The following RREB1 variants were observed in gnomAD, a reference collection of about 807,000 sequenced individuals.
RREB1 encodes ras responsive element binding protein 1.
Under a neutral mutation model 117.8 loss-of-function variants are expected in RREB1, and 27 were observed. The observed-to-expected ratio is 0.23, with a 90% CI of 0.17 to 0.32. The LOEUF (loss-of-function observed/expected upper bound fraction) is 0.32, where lower values mean the gene tolerates loss of function less well. Ranked by LOEUF, RREB1 falls within the 10% of genes least tolerant of loss-of-function variation. The pLI, the probability that RREB1 is intolerant of heterozygous loss-of-function variation, is 1.00. For synonymous variants in RREB1, 1,298 were observed against 1,026.7 expected (o/e 1.26, Z -5.05); for missense variants, 2,577 against 2,378.2 (o/e 1.08, Z -1.74).
rs527437596 is a variant in RREB1 at position 7,212,154 on chromosome 6, G to A, written c.707+445G>A. 14 of 167,502 alleles carry A rather than the reference G, an allele frequency of 8.4e-5. No homozygotes were observed. The Middle Eastern group carries it at 0.015, about 180-fold the overall frequency. 10.4% of individuals were successfully genotyped at this position (167,502 alleles called of 1,614,324 possible). A position where few individuals can be genotyped will look rare whatever the true frequency, so the allele number is the denominator to read the frequency against. On this transcript the variant is annotated intron_variant, in intron 8 of 12. Transcript: ENST00000379938. ...CCATCATAGGCACTCCGAAGTGTTT[G>A]AACTGAGCTGGACCTGATAGCACAG...
intron 1 of RREB1, among the ~76,000 whole-genome samples, chr6:7,166,766 G>A (rs577298265): frequency 1.3e-5 from 2 of 152,304 alleles, no homozygotes; most frequent in Non-Finnish European, 2.9e-5. Flanking sequence ...CCAGATTTAA[G>A]GTAAATCACC....
intron 6 of RREB1, among the ~76,000 whole-genome samples, chr6:7,199,613 C>T (rs1765838481): frequency 6.6e-6 from 1 of 151,914 alleles, no homozygotes; most frequent in East Asian, 1.9e-4. Context: ...ATGATGTTTA[C>T]ATATATATGT....
chr6:7,236,035 CT>C (rs972415983), intron 10 of RREB1, among the ~76,000 whole-genome samples: 1 of 152,198 alleles, frequency 6.6e-6, no homozygotes, highest in African/African-American at 2.4e-5. Flanking sequence ...CCAGACCATA[CT>C]TTCCTGCTGA....
At chr6:7,210,997 A>G (rs1766554539) in intron 7 of RREB1, 49 bp downstream of exon 7, 1 of 1,561,828 alleles carries the variant, frequency 6.4e-7, no homozygotes, top group African/African-American at 1.4e-5. Flanking sequence ...GACTTCTGTC[A>G]GAAATACCAC....
intron 6 of RREB1, among the ~76,000 whole-genome samples, chr6:7,205,038 A>G (rs75356183): frequency 0.014 from 2,100 of 152,292 alleles, 64 homozygotes; most frequent in African/African-American, 0.047. Flanking sequence ...TTGGAAGATG[A>G]GTCTGGGAGA....
At chr6:7,192,181 T>C (rs911807373) in intron 6 of RREB1, among the ~76,000 whole-genome samples, 1 of 149,892 alleles carries the variant, frequency 6.7e-6, no homozygotes, top group African/African-American at 2.5e-5. Flanking sequence ...TTTATTCTTT[T>C]GTTGTTGTTG....
chr6:7,214,451 C>T (rs1176255381), intron 8 of RREB1: 1 of 152,296 alleles, frequency 6.6e-6, no homozygotes, highest in African/African-American at 2.4e-5. Context: ...CACCCCTGCC[C>T]TGTGCCTCTA....
intron 1 of RREB1, among the ~76,000 whole-genome samples, chr6:7,159,887 A>G (rs991101566): frequency 2.0e-5 from 3 of 152,176 alleles, no homozygotes; most frequent in Non-Finnish European, 4.4e-5. Context: ...TGCATTTTAC[A>G]TGTGGTTTCA....
Position 7,246,691 on chromosome 6 carries a change from A to G in RREB1, c.4241A>G (p.Gln1414Arg), listed in dbSNP as rs760412402. ...DGAEEDASSN[Q>R]SLDLDFATKL... ...GCGGAAGAGGACGCGTCGAGCAACCAGAGCCTGGACCTGGACTTCGCCACC... is the reference window on the plus strand; with the variant it reads ...GCGGAAGAGGACGCGTCGAGCAACCGGAGCCTGGACCTGGACTTCGCCACC... The change falls in exon 12 of 13, where the codon CAG becomes CGG. Residue 1414 changes from glutamine (Q) to arginine (R), a missense_variant. Transcript: ENST00000379938. The G allele has an allele frequency of 1.9e-5, 30 of 1,584,434 alleles. No individual in the cohort carries two copies. In the South Asian group the frequency reaches 2.8e-4, roughly 15 times the overall value.
intron 8 of RREB1, among the ~76,000 whole-genome samples, chr6:7,222,409 C>T (rs575341556): frequency 3.9e-5 from 6 of 152,252 alleles, no homozygotes; most frequent in Admixed American, 6.5e-5. Context: ...TCCAAGGTCA[C>T]GCAATCTGAA....
intron 1 of RREB1, among the ~76,000 whole-genome samples, chr6:7,153,413 TACACACAC>T (rs57110705): frequency 6.9e-5 from 10 of 145,724 alleles, no homozygotes; most frequent in Non-Finnish European, 1.1e-4. Flanking sequence ...AGTAGTGGTA[TACACACAC>T]ACACACACAC....
rs1019477618 is a variant in RREB1, at chr6:7,209,573, T to TA, written c.426-1231_426-1230insA. Among the ~76,000 whole-genome samples, 140 of 105,042 alleles carry TA rather than the reference T, an allele frequency of 1.3e-3. 1 individual carries two copies. The highest frequency in any genetic ancestry group is 1.9e-4 in the Non-Finnish European group (11 of 58,112). The allele number at this position is 105,042 out of a possible 152,430, so 68.9% of individuals were successfully genotyped here. ...CTTAATTATTATTCTATTTCTTTCC[T>TA]TTTTTTTTTTTTTTTTTTGAGACCG... On this transcript the variant is annotated intron_variant, in intron 6 of 12. Transcript: ENST00000379938.
rs931911234 is a variant in RREB1 at position 7,230,436 on chromosome 6, C to T, written c.2337C>T (p.Gly779=). Residue 779 remains glycine, a synonymous_variant, in exon 10 of 13, where the codon GGC becomes GGT. Coordinates refer to ENST00000379938, the MANE Select transcript of RREB1 (RefSeq NM_001003699.4). The part of the protein sequence containing the change: ...RIHMRTHCGR[G]LGGGHKGRKP... ...ACATGCGCACGCACTGCGGCCGCGG[C>T]CTGGGCGGGGGCCACAAGGGCCGCA... is the stretch of plus-strand genomic sequence containing the variant. 17 of 1,591,262 alleles carry T rather than the reference C, an allele frequency of 1.1e-5. No individual in the cohort carries two copies. Among genetic ancestry groups the T allele is most frequent in the Non-Finnish European group, 1.4e-5 (16 of 1,175,018 alleles).
chr6:7,161,437 G>C (rs773197800), intron 1 of RREB1, among the ~76,000 whole-genome samples: 2 of 152,136 alleles, frequency 1.3e-5, no homozygotes, highest in African/African-American at 4.8e-5. Context: ...GATGTTCTTA[G>C]GATGGTTAGA....
chr6:7,181,738 C>T, intron 3 of RREB1, 132 bp from the exon 4 acceptor site: 2 of 743,110 alleles, frequency 2.7e-6, no homozygotes, highest in Non-Finnish European at 4.7e-6. Context: ...TGAATGTGGC[C>T]TTTAACTGGA....
At chr6:7,125,723 T>C (rs948719027) in intron 1 of RREB1, among the ~76,000 whole-genome samples, 1 of 152,170 alleles carries the variant, frequency 6.6e-6, no homozygotes, top group Admixed American at 6.5e-5. Context: ...CCCAGTGACA[T>C]GTGGCAGTGC....
Position 7,146,901 on chromosome 6 carries a change from T to C in RREB1, c.-284-29754T>C, listed in dbSNP as rs548702426. Among the ~76,000 whole-genome samples the C allele has an allele frequency of 5.3e-5, 8 of 152,314 alleles. No individual in the cohort carries two copies. The South Asian group carries it at 1.7e-3, about 32-fold the overall frequency. ...GCACTCTGAAAGCTAAGGAACTGTATTGTCATGGCAGAAGAAACAATTCTC... is the reference window on the plus strand; with the variant it reads ...GCACTCTGAAAGCTAAGGAACTGTACTGTCATGGCAGAAGAAACAATTCTC... On this transcript the variant is annotated intron_variant, in intron 1 of 12. Transcript: ENST00000379938.
intron 1 of RREB1, among the ~76,000 whole-genome samples, chr6:7,153,718 A>G (rs2113437024): frequency 6.6e-6 from 1 of 152,312 alleles, no homozygotes; most frequent in East Asian, 1.9e-4. Context: ...TCCTCTTTAT[A>G]ATGAAGTCAG....
intron 8 of RREB1, among the ~76,000 whole-genome samples, chr6:7,222,144 T>A (rs917669284): frequency 6.6e-6 from 1 of 152,218 alleles, no homozygotes; most frequent in African/African-American, 2.4e-5. Flanking sequence ...GCTTGTAGTT[T>A]AAGACGTTTC....
Sources: allele counts gnomAD v4.1 joint callset (sites outside exome capture counted in the v4.1 genomes callset), GRCh38; gene constraint gnomAD v4.1.1; transcripts MANE v1.5; gene names NCBI Gene and HGNC (gene_info 2026-07-23, HGNC 2026-07-21).